The following PTK2B variants were observed in gnomAD, a reference collection of about 807,000 sequenced individuals.
The protein encoded by PTK2B is protein tyrosine kinase 2 beta.
Under a neutral mutation model 142.9 loss-of-function variants are expected in PTK2B, and 71 were observed. That is an observed-to-expected ratio of 0.50 (90% confidence interval 0.41 to 0.61). The LOEUF (loss-of-function observed/expected upper bound fraction) is 0.61, where lower values mean the gene tolerates loss of function less well. Among genes scored for constraint, PTK2B ranks in the 20% least tolerant of loss-of-function variants. The pLI is 0.00. For missense variants in PTK2B, 1,105 were observed against 1,320.4 expected (o/e 0.84, Z 2.53); for synonymous variants, 519 against 503.4 (o/e 1.03, Z -0.42).
chr8:27,420,814 C>G, intron 4 of PTK2B, 70 bp downstream of exon 4: 1 of 1,383,936 alleles, frequency 7.2e-7, no homozygotes, highest in South Asian at 1.2e-5. Context: ...GAACCGTTCT[C>G]TCCTAGGGAG....
chr8:27,420,637 G>A lies in PTK2B; in HGVS notation c.384-20G>A. Reference sequence around the variant, plus strand: ...CACCAGCTTCTCTGTGTCAACCAGAGCCTGAATGTCTTGTTGCAGGTATGA... The same window carrying A: ...CACCAGCTTCTCTGTGTCAACCAGAACCTGAATGTCTTGTTGCAGGTATGA... On this transcript the variant is annotated intron_variant, in intron 3 of 30. Coordinates refer to ENST00000346049, the MANE Select transcript of PTK2B (RefSeq NM_173176.3). 1 of 1,607,980 alleles carries A rather than the reference G, an allele frequency of 6.2e-7. No individual in the cohort carries two copies. The highest frequency in any genetic ancestry group is 8.5e-7 in the Non-Finnish European group (1 of 1,174,406).
At chr8:27,439,755 G>A (rs981983053) in intron 20 of PTK2B, among the ~76,000 whole-genome samples, 5 of 152,222 alleles carry the variant, frequency 3.3e-5, no homozygotes, top group African/African-American at 7.2e-5. Flanking sequence ...AGCCCCTTAC[G>A]GAACACCTCC....
At chr8:27,436,192 G>T (rs1436779129) in intron 14 of PTK2B, 59 bp from the exon 15 acceptor site, 9 of 1,546,292 alleles carry the variant, frequency 5.8e-6, no homozygotes, top group Admixed American at 5.0e-5. Context: ...AGACACTCAG[G>T]TTCCCTAGGG....
In PTK2B at chr8:27,372,461, AG is replaced by A. The variant is rs980533323; in HGVS notation, c.-37-25081del. Reference sequence around the variant, plus strand: ...CAGGAGGAATTCCTTCTTACTCAGCAGGGGGGTCAGCCTTTTGTTCTATTTA... The same window carrying A: ...CAGGAGGAATTCCTTCTTACTCAGCAGGGGGTCAGCCTTTTGTTCTATTTA... On this transcript the variant is annotated intron_variant, in intron 1 of 30. Transcript: ENST00000346049. Among the ~76,000 whole-genome samples, 9 of 152,288 alleles carry A rather than the reference AG, an allele frequency of 5.9e-5. No individual in the cohort carries two copies. In the South Asian group the frequency reaches 1.0e-3, roughly 18 times the overall value.
intron 1 of PTK2B, among the ~76,000 whole-genome samples, chr8:27,343,964 C>T (rs1378128362): frequency 6.6e-6 from 1 of 152,114 alleles, no homozygotes; most frequent in African/African-American, 2.4e-5. Context: ...GATCATGCCA[C>T]TGCACTCCAG....
At chr8:27,415,141 T>G (rs1809322621) in intron 2 of PTK2B, among the ~76,000 whole-genome samples, 1 of 152,240 alleles carries the variant, frequency 6.6e-6, no homozygotes, top group Non-Finnish European at 1.5e-5. Flanking sequence ...GAGTTTTATC[T>G]AATTTAATCC....
At chr8:27,420,147 C>T in intron 3 of PTK2B, 74 bp downstream of exon 3, 1 of 1,539,176 alleles carries the variant, frequency 6.5e-7, no homozygotes, top group Non-Finnish European at 8.9e-7. Flanking sequence ...GGAGTTTCTC[C>T]CTTAGAGCAC....
At chr8:27,400,315 A>G (rs1349906549) in intron 2 of PTK2B, among the ~76,000 whole-genome samples, 1 of 152,230 alleles carries the variant, frequency 6.6e-6, no homozygotes, top group Admixed American at 6.5e-5. Context: ...AGGGCCACAG[A>G]GGTGATATTT....
chr8:27,382,136 G>A (rs1180219598), intron 1 of PTK2B, among the ~76,000 whole-genome samples: 2 of 152,012 alleles, frequency 1.3e-5, no homozygotes, highest in Admixed American at 1.3e-4. Flanking sequence ...TTAATAGAGA[G>A]GGGCTTTCCC....
At chr8:27,390,316 G>C (rs547835635) in intron 1 of PTK2B, among the ~76,000 whole-genome samples, 1 of 152,282 alleles carries the variant, frequency 6.6e-6, no homozygotes, top group Non-Finnish European at 1.5e-5. Flanking sequence ...CCTGCACTTA[G>C]GAGGTCAGTT....
chr8:27,358,957 G>A (rs952819839), intron 1 of PTK2B, among the ~76,000 whole-genome samples: 1 of 151,918 alleles, frequency 6.6e-6, no homozygotes, highest in Non-Finnish European at 1.5e-5. Flanking sequence ...GGATTTTATG[G>A]CACTTTGACT....
chr8:27,442,582 G>A (rs1811218536), intron 21 of PTK2B, among the ~76,000 whole-genome samples: 1 of 152,214 alleles, frequency 6.6e-6, no homozygotes, highest in Non-Finnish European at 1.5e-5. Context: ...GAGGAGTGGG[G>A]CTGCAGTCAG....
intron 2 of PTK2B, among the ~76,000 whole-genome samples, chr8:27,406,323 C>G (rs1231225759): frequency 6.6e-6 from 1 of 152,006 alleles, no homozygotes; most frequent in Non-Finnish European, 1.5e-5. Flanking sequence ...GTCACATTCA[C>G]AGATTCTGGG....
intron 1 of PTK2B, among the ~76,000 whole-genome samples, chr8:27,353,831 G>T (rs1175314963): frequency 6.6e-6 from 1 of 152,224 alleles, no homozygotes; most frequent in Non-Finnish European, 1.5e-5. Context: ...AGCCTCAGCA[G>T]AAATGGGCCT....
intron 22 of PTK2B, 71 bp from the exon 23 acceptor site, chr8:27,444,135 T>A: frequency 6.8e-7 from 1 of 1,477,060 alleles, no homozygotes; most frequent in South Asian, 1.1e-5. Flanking sequence ...TTTGACCTGA[T>A]GTTCCCCTTG....
At chr8:27,324,188 C>A (rs1803298188), upstream of PTK2B, among the ~76,000 whole-genome samples, 5 of 152,230 alleles carry the variant, frequency 3.3e-5, no homozygotes, top group Admixed American at 2.6e-4. Flanking sequence ...GTACCTCTGT[C>A]TGACTTGCCT....
chr8:27,432,233 C>T (rs766814814), intron 9 of PTK2B, 27 bp from the exon 10 acceptor site: 1 of 1,608,722 alleles, frequency 6.2e-7, no homozygotes, highest in African/African-American at 1.3e-5. Context: ...GTGGGATGGT[C>T]TGAAGCTCCC....
intron 1 of PTK2B, 82 bp from the exon 2 acceptor site, chr8:27,397,466 C>T (rs1373757575): frequency 5.4e-5 from 57 of 1,053,192 alleles, no homozygotes; most frequent in Non-Finnish European, 7.7e-5. Flanking sequence ...TCTTGGAGCT[C>T]GGTGGGTGCT....
At chr8:27,313,381 AG>A (rs1475618039) in intron 3 of PTK2B, 1 of 152,294 alleles carries the variant, frequency 6.6e-6, no homozygotes, top group East Asian at 1.9e-4. Flanking sequence ...ACAGGGCATA[AG>A]GCAGAAAAAG....
Sources: allele counts gnomAD v4.1 joint callset (sites outside exome capture counted in the v4.1 genomes callset), GRCh38; gene constraint gnomAD v4.1.1; transcripts MANE v1.5; gene names NCBI Gene and HGNC (gene_info 2026-07-23, HGNC 2026-07-21).